The following VPS13D variants were observed in gnomAD, a reference collection of about 807,000 sequenced individuals.
VPS13D encodes vacuolar protein sorting 13 homolog D.
A neutral mutation model predicts 461.9 loss-of-function variants in VPS13D; 187 were observed. The observed-to-expected ratio is 0.40, with a 90% CI of 0.36 to 0.46. The LOEUF (loss-of-function observed/expected upper bound fraction) is 0.46. VPS13D is among the 20% of genes least tolerant of loss of function. The pLI is 0.60. For missense variants in VPS13D, 4,711 were observed against 5,364.9 expected (o/e 0.88, Z 3.81); for synonymous variants, 1,951 against 1,986.3 (o/e 0.98, Z 0.47).
At chr1:12,387,089 G>A (rs1644359771) in intron 60 of VPS13D, among the ~76,000 whole-genome samples, 1 of 152,206 alleles carries the variant, frequency 6.6e-6, no homozygotes, top group African/African-American at 2.4e-5. Flanking sequence ...CCATCTGAAA[G>A]GATCAGAGGG....
chr1:12,356,422 A>G lies in VPS13D; in HGVS notation c.9896A>G (p.Asp3299Gly). 6.2e-7 allele frequency: 1 copy of G among 1,614,040 alleles called. No individual in the cohort carries two copies. Among genetic ancestry groups the G allele is most frequent in the Non-Finnish European group, 8.5e-7 (1 of 1,179,996 alleles). ...GGGTTGCCACTGATCTTCAGACAGG[A>G]CAATGCCAAGACAGATGCTGCAGGC... ...KTGLPLIFRQDNAKTDAAGQF... is the reference protein window; with the variant it reads ...KTGLPLIFRQGNAKTDAAGQF... The change falls in exon 49 of 70, where the codon GAC (aspartate) becomes GGC (glycine). Residue 3299 changes from aspartate to glycine, a missense_variant. By Grantham distance (94) the Asp-to-Gly change is moderately conservative. Transcript: ENST00000620676.
At position 12,511,251 on chromosome 1, in the gene VPS13D, A is replaced by G. The variant is rs1646177902; in HGVS notation, c.*2227A>G. On this transcript the variant is annotated 3_prime_UTR_variant, in exon 70 of 70. Transcript: ENST00000620676. The surrounding 1 kb of genome is among the most constrained non-coding windows in gnomAD (Gnocchi z 4.5). ...AGCACTTTGACATTTGCACCTTAGG[A>G]GAGGCAGATGTTAAAATGGAATCCA... is the stretch of plus-strand genomic sequence containing the variant. 1 of 146,336 alleles carries G rather than the reference A, an allele frequency of 6.8e-6. No homozygotes were observed. The highest frequency in any genetic ancestry group is 2.3e-4 in the South Asian group (1 of 4,268). 9.1% of individuals were successfully genotyped at this position (146,336 alleles called of 1,614,324 possible).
At chr1:12,463,299 G>A (rs1434777457) in intron 67 of VPS13D, among the ~76,000 whole-genome samples, 1 of 152,228 alleles carries the variant, frequency 6.6e-6, no homozygotes, top group Non-Finnish European at 1.5e-5. Flanking sequence ...GCAGAGGCAA[G>A]TAGGGTATAT....
At chr1:12,343,090 G>A in intron 42 of VPS13D, 39 bp downstream of exon 42, 1 of 1,551,422 alleles carries the variant, frequency 6.4e-7, no homozygotes, top group Non-Finnish European at 8.8e-7. Flanking sequence ...AAAAAAGAAA[G>A]TGGATGTAAG....
At chr1:12,378,722 T>C (rs1244371237) in intron 56 of VPS13D, 131 bp downstream of exon 56, 17 of 978,916 alleles carry the variant, frequency 1.7e-5, no homozygotes, top group African/African-American at 8.5e-5. Flanking sequence ...CAAAAACCTG[T>C]CATATTCCCA....
intron 63 of VPS13D, among the ~76,000 whole-genome samples, chr1:12,414,431 A>G (rs1318518208): frequency 6.6e-6 from 1 of 152,192 alleles, no homozygotes; most frequent in Non-Finnish European, 1.5e-5. Context: ...TTTATATGGC[A>G]ATGGACGTTA....
intron 21 of VPS13D, among the ~76,000 whole-genome samples, chr1:12,285,691 C>T (rs576278113): frequency 2.6e-4 from 39 of 152,334 alleles, no homozygotes; most frequent in South Asian, 8.3e-4. Context: ...TGCATTGTCA[C>T]GTCCAACTAA....
rs1430684407 is a variant in VPS13D, at chr1:12,299,913, T to C, written c.6216+529T>C. On this transcript the variant is annotated intron_variant, in intron 25 of 69. Coordinates refer to ENST00000620676, the MANE Select transcript of VPS13D (RefSeq NM_015378.4). This position sits in a 1 kb window ranked among gnomAD's most constrained non-coding sequence, Gnocchi z 4.2. ...ATTACTGTGGCACCTTTTTTTTTTTTTCAACTTTTGTTTTAGATACAGGGG... is the reference window on the plus strand; with the variant it reads ...ATTACTGTGGCACCTTTTTTTTTTTCTCAACTTTTGTTTTAGATACAGGGG... Among the ~76,000 whole-genome samples the C allele has an allele frequency of 6.6e-6, 1 of 152,042 alleles. No homozygotes were observed. The highest frequency in any genetic ancestry group is 2.4e-5 in the African/African-American group (1 of 41,392).
At chr1:12,499,131 G>A (rs1646000746) in intron 68 of VPS13D, among the ~76,000 whole-genome samples, 1 of 151,770 alleles carries the variant, frequency 6.6e-6, no homozygotes, top group Admixed American at 6.6e-5. Context: ...CTTTGGATGG[G>A]GGGTCTAGAG....
intron 61 of VPS13D, among the ~76,000 whole-genome samples, chr1:12,401,226 C>T (rs1644575776): frequency 6.6e-6 from 1 of 152,124 alleles, no homozygotes; most frequent in Admixed American, 6.5e-5. Context: ...CCTTTATCAC[C>T]AGTGCTGATG....
chr1:12,235,749 G>A (rs1280163843), intron 2 of VPS13D, among the ~76,000 whole-genome samples: 2 of 152,192 alleles, frequency 1.3e-5, no homozygotes, highest in African/African-American at 4.8e-5. Context: ...AGTGGAAAGT[G>A]CGAGTGAGCA....
At chr1:12,493,325 A>T (rs543982508) in intron 67 of VPS13D, among the ~76,000 whole-genome samples, 1 of 152,060 alleles carries the variant, frequency 6.6e-6, no homozygotes, top group East Asian at 1.9e-4. Flanking sequence ...TAATAAAAAT[A>T]TAAAAAAATT....
At chr1:12,382,349 G>A (rs745639318) in intron 57 of VPS13D, among the ~76,000 whole-genome samples, 6 of 152,172 alleles carry the variant, frequency 3.9e-5, no homozygotes, top group East Asian at 1.9e-4. Flanking sequence ...TGATTCGCCC[G>A]CCTTGGCCTC....
At chr1:12,456,653 A>G (rs1438372858) in intron 66 of VPS13D, among the ~76,000 whole-genome samples, 8 of 149,672 alleles carry the variant, frequency 5.3e-5, no homozygotes, top group Admixed American at 1.4e-4. Context: ...AAAAAAAAAA[A>G]AAAAAAAGAA....
intron 66 of VPS13D, among the ~76,000 whole-genome samples, chr1:12,457,234 A>G (rs945384858): frequency 2.6e-5 from 4 of 152,200 alleles, no homozygotes; most frequent in Non-Finnish European, 4.4e-5. Context: ...ACACACAGCT[A>G]TGTACTGCTT....
chr1:12,508,006 C>T lies in VPS13D; in HGVS notation c.13036-887C>T, dbSNP rs555519635. ...GCGCCAGCCTTATTGGGCCTCTCTC[C>T]TCCGGAGTCCTTTGGCCTCCCCCTG... On this transcript the variant is annotated intron_variant, in intron 69 of 69. Coordinates refer to ENST00000620676, the MANE Select transcript of VPS13D (RefSeq NM_015378.4). 8.5e-5 allele frequency among the ~76,000 whole-genome samples: 13 copies of T among 152,372 alleles called. 1 individual carries two copies. The highest frequency in any genetic ancestry group is 3.4e-3 in the Middle Eastern group (1 of 294).
At chr1:12,491,416 T>A (rs559372833) in intron 67 of VPS13D, among the ~76,000 whole-genome samples, 3 of 152,250 alleles carry the variant, frequency 2.0e-5, no homozygotes, top group Non-Finnish European at 2.9e-5. Flanking sequence ...CTAACAGACC[T>A]ATGACATAGT....
intron 66 of VPS13D, among the ~76,000 whole-genome samples, chr1:12,457,355 A>G (rs1283565722): frequency 6.6e-6 from 1 of 152,120 alleles, no homozygotes. Context: ...CCAACTCAAT[A>G]CATTTTCCCA....
chr1:12,259,932 G>A (rs1459165512), intron 10 of VPS13D, among the ~76,000 whole-genome samples: 2 of 151,634 alleles, frequency 1.3e-5, no homozygotes, highest in Non-Finnish European at 2.9e-5. Context: ...CCTCATCTGA[G>A]CTAAGGCATG....
Sources: allele counts gnomAD v4.1 joint callset (sites outside exome capture counted in the v4.1 genomes callset), GRCh38; gene constraint gnomAD v4.1.1; non-coding constraint Gnocchi (gnomAD v3.1); transcripts MANE v1.5; gene names NCBI Gene and HGNC (gene_info 2026-07-23, HGNC 2026-07-21).